Variants in GALNT13 observed in about 807,000 individuals in gnomAD.
The protein encoded by GALNT13 is UDP-GalNAc:polypeptide N-acetylgalactosaminyltransferase 13.
In GALNT13, 28 loss-of-function variants were observed where a neutral mutation model predicts 64.2. The observed-to-expected ratio is 0.44, with a 90% CI of 0.32 to 0.60. GALNT13 has a LOEUF of 0.60. Ranked by LOEUF, GALNT13 falls within the 20% of genes least tolerant of loss-of-function variation. The pLI is 0.05. For synonymous variants in GALNT13, 214 were observed against 224.6 expected (o/e 0.95, Z 0.42); for missense variants, 577 against 669.8 (o/e 0.86, Z 1.53).
At chr2:154,116,670 T>C (rs1225115847) in intron 3 of GALNT13, among the ~76,000 whole-genome samples, 1 of 152,220 alleles carries the variant, frequency 6.6e-6, no homozygotes, top group Non-Finnish European at 1.5e-5. Flanking sequence ...ATTTAGTTTG[T>C]ATAACTCTCC....
intron 4 of GALNT13, chr2:154,236,318 C>T: frequency 3.7e-6 from 1 of 270,270 alleles, no homozygotes; most frequent in Non-Finnish European, 5.9e-6. Context: ...ACTTGAGTAA[C>T]CATTCTCAAC....
At chr2:153,282,301 T>C in the GALNT13 span, among the ~76,000 whole-genome samples, 5 of 152,230 alleles carry the variant, frequency 3.3e-5, no homozygotes, top group Non-Finnish European at 7.3e-5. Flanking sequence ...TTCTTTGTGT[T>C]GATTTTCAAT....
the GALNT13 span, among the ~76,000 whole-genome samples, chr2:153,301,320 A>AAAAAAAAAAAAAAAG: frequency 1.3e-3 from 167 of 126,628 alleles, 7 homozygotes; most frequent in African/African-American, 2.9e-3. Context: ...AAAAAAAAAG[A>AAAAAAAAAAAAAAAG]AAAAAAAAAA....
At chr2:153,390,249 G>A in the GALNT13 span, among the ~76,000 whole-genome samples, 1 of 152,034 alleles carries the variant, frequency 6.6e-6, no homozygotes, top group East Asian at 1.9e-4. Flanking sequence ...CTCATAAGTG[G>A]GAGTTGAACA....
chr2:153,449,221 C>A, the GALNT13 span, among the ~76,000 whole-genome samples: 1 of 152,120 alleles, frequency 6.6e-6, no homozygotes, highest in Admixed American at 6.5e-5. Flanking sequence ...TATTTCTGTG[C>A]TTTTTAAGTT....
chr2:153,526,239 C>T, the GALNT13 span, among the ~76,000 whole-genome samples: 1 of 152,246 alleles, frequency 6.6e-6, no homozygotes, highest in Non-Finnish European at 1.5e-5. Context: ...TTATTGCATG[C>T]CTTGGGCAAG....
At chr2:154,337,211 T>TATGA (rs1160759521) in intron 9 of GALNT13, among the ~76,000 whole-genome samples, 1 of 152,044 alleles carries the variant, frequency 6.6e-6, no homozygotes, top group Non-Finnish European at 1.5e-5. Flanking sequence ...GTTAGTTCAA[T>TATGA]ATGAAGAGAC....
At chr2:154,258,474 A>C (rs1573968455) in intron 7 of GALNT13, among the ~76,000 whole-genome samples, 1 of 121,852 alleles carries the variant, frequency 8.2e-6, no homozygotes, top group East Asian at 2.6e-4. Context: ...ATAAACAATT[A>C]GATGTAAAGC....
At chr2:154,299,080 T>G (rs1458085327) in intron 8 of GALNT13, among the ~76,000 whole-genome samples, 1 of 148,388 alleles carries the variant, frequency 6.7e-6, no homozygotes, top group East Asian at 1.9e-4. Flanking sequence ...ATATTTTATA[T>G]TATTTAATGG....
At chr2:153,548,230 A>C in the GALNT13 span, among the ~76,000 whole-genome samples, 1 of 152,114 alleles carries the variant, frequency 6.6e-6, no homozygotes, top group Non-Finnish European at 1.5e-5. Context: ...GACACCCTGC[A>C]TTTCTAAGAA....
the GALNT13 span, among the ~76,000 whole-genome samples, chr2:153,689,502 T>C: frequency 6.6e-6 from 1 of 152,030 alleles, no homozygotes; most frequent in African/African-American, 2.4e-5. Flanking sequence ...AATAAGTGTT[T>C]GTCTAATTCA....
At chr2:153,322,035 C>T in the GALNT13 span, among the ~76,000 whole-genome samples, 4 of 147,568 alleles carry the variant, frequency 2.7e-5, no homozygotes, top group East Asian at 5.9e-4. Flanking sequence ...ATTTTTTTTT[C>T]AACTTTTGTT....
At chr2:154,307,911 T>G (rs1463356980) in intron 9 of GALNT13, among the ~76,000 whole-genome samples, 1 of 152,198 alleles carries the variant, frequency 6.6e-6, no homozygotes, top group Non-Finnish European at 1.5e-5. Context: ...TAAGATAGAC[T>G]ATAGTCATAA....
the GALNT13 span, among the ~76,000 whole-genome samples, chr2:153,521,310 T>C: frequency 6.6e-6 from 1 of 152,190 alleles, no homozygotes; most frequent in Non-Finnish European, 1.5e-5. Flanking sequence ...GGAAAAGCTT[T>C]ACCATAAAGT....
the GALNT13 span, among the ~76,000 whole-genome samples, chr2:153,121,447 A>G: frequency 3.3e-5 from 5 of 152,358 alleles, no homozygotes; most frequent in African/African-American, 1.2e-4. Flanking sequence ...AGAAGTCCCT[A>G]TTAATCCCAT....
intron 8 of GALNT13, among the ~76,000 whole-genome samples, chr2:154,300,563 CAT>C (rs1693383676): frequency 6.6e-6 from 1 of 151,680 alleles, no homozygotes; most frequent in Non-Finnish European, 1.5e-5. Context: ...AAACCTGTAG[CAT>C]ATATGTTATA....
chr2:154,364,433 T>C lies in GALNT13; in HGVS notation c.1157-31558T>C, dbSNP rs370436048. ...CAAGTTCAAGGGAGAATATCTCGACTCCAGTAAATTCCATCAAGACTGAGA... is the reference window on the plus strand; with the variant it reads ...CAAGTTCAAGGGAGAATATCTCGACCCCAGTAAATTCCATCAAGACTGAGA... On this transcript the variant is annotated intron_variant, in intron 9 of 12. Coordinates refer to ENST00000392825, the MANE Select transcript of GALNT13 (RefSeq NM_052917.4). 6.7e-5 allele frequency among the ~76,000 whole-genome samples: 10 copies of C among 148,338 alleles called. No individual in the cohort carries two copies. In the South Asian group the frequency reaches 2.2e-3, roughly 32 times the overall value.
the GALNT13 span, among the ~76,000 whole-genome samples, chr2:153,314,703 G>C: frequency 6.6e-6 from 1 of 151,882 alleles, no homozygotes; most frequent in Admixed American, 6.6e-5. Context: ...AAACCACAGG[G>C]AAATAGATAA....
chr2:153,133,313 C>T, the GALNT13 span, among the ~76,000 whole-genome samples: 1 of 151,938 alleles, frequency 6.6e-6, no homozygotes, highest in South Asian at 2.1e-4. Context: ...AAAAGGGATC[C>T]CCAGAGAACC....
Sources: allele counts gnomAD v4.1 joint callset (sites outside exome capture counted in the v4.1 genomes callset), GRCh38; gene constraint gnomAD v4.1.1; transcripts MANE v1.5; gene names NCBI Gene and HGNC (gene_info 2026-07-23, HGNC 2026-07-21).